CNOT2: variants seen among roughly 807,000 people sequenced by gnomAD.
CNOT2 encodes the protein CC chemokine receptor 4-negative regulator of transcription 2.
In CNOT2, 7 loss-of-function variants were observed where a neutral mutation model predicts 72.1. That is an observed-to-expected ratio of 0.10 (90% CI 0.06 to 0.18). CNOT2 has a LOEUF of 0.18. Among genes scored for constraint, CNOT2 ranks in the 10% least tolerant of loss-of-function variants. CNOT2 has a pLI of 1.00. For synonymous variants in CNOT2, 196 were observed against 225.6 expected (o/e 0.87, Z 1.17); for missense variants, 345 against 660.3 (o/e 0.52, Z 5.23).
intron 6 of CNOT2, chr12:70,330,713 A>G (rs976730434): frequency 3.4e-5 from 13 of 384,532 alleles, no homozygotes; most frequent in African/African-American, 2.3e-4. Context: ...TTGTTCTTGG[A>G]TTCGCCACCA....
chr12:70,309,137 G>C (rs1031644801), intron 2 of CNOT2, among the ~76,000 whole-genome samples: 1 of 152,102 alleles, frequency 6.6e-6, no homozygotes, highest in African/African-American at 2.4e-5. Context: ...TACTTAGGGA[G>C]CTGGTGGATA....
At chr12:70,310,814 T>G in intron 2 of CNOT2, 81 bp from the exon 3 acceptor site, 2 of 1,224,236 alleles carry the variant, frequency 1.6e-6, no homozygotes, top group Non-Finnish European at 1.2e-6. Flanking sequence ...TCCCTTCATG[T>G]TCTGTTTTCC....
chr12:70,301,705 G>C (rs953329594), intron 2 of CNOT2: 1 of 152,178 alleles, frequency 6.6e-6, no homozygotes, highest in Non-Finnish European at 1.5e-5. Flanking sequence ...TCTCTGCCAG[G>C]CTTTGGTATC....
At chr12:70,289,876 A>C (rs1871576618) in intron 2 of CNOT2, among the ~76,000 whole-genome samples, 2 of 151,258 alleles carry the variant, frequency 1.3e-5, no homozygotes, top group South Asian at 4.2e-4. Context: ...GCTTCTTTGC[A>C]TGGCTGGTGA....
rs553539531 is a variant in CNOT2 at position 70,271,320 on chromosome 12, C to G, written c.-95-6812C>G. Among the ~76,000 whole-genome samples the G allele has an allele frequency of 2.7e-5, 4 of 149,236 alleles. No homozygotes were observed. In the East Asian group the frequency reaches 8.0e-4, roughly 30 times the overall value. On this transcript the variant is annotated intron_variant, in intron 1 of 15. Transcript: ENST00000229195. ...TTGGTTTAAATGCCCTTTCATAAAT[C>G]AATTACTGACAAGAGGGATAGGATT...
intron 4 of CNOT2, among the ~76,000 whole-genome samples, chr12:70,327,351 G>A (rs1455503229): frequency 1.3e-5 from 2 of 151,880 alleles, no homozygotes; most frequent in East Asian, 3.9e-4. Flanking sequence ...AAAGAAAGCA[G>A]GGGGAAAATA....
intron 14 of CNOT2, chr12:70,345,521 A>C (rs1271409781): frequency 6.6e-6 from 1 of 152,166 alleles, no homozygotes; most frequent in Non-Finnish European, 1.5e-5. Flanking sequence ...ATTTCTTTAC[A>C]TGGAGGTTTA....
At position 70,286,601 on chromosome 12, in the gene CNOT2, TTGTC is replaced by T. The variant is rs1870939390; in HGVS notation, c.48+8331_48+8334del. On this transcript the variant is annotated intron_variant, in intron 2 of 15. Coordinates refer to ENST00000229195, the MANE Select transcript of CNOT2 (RefSeq NM_014515.7). ...TTATGTCTCTGTTACCTTGATGTGT[TTGTC>T]TGTGCCTATACCAATATCATGTTTT... is the stretch of plus-strand genomic sequence containing the variant. 2.0e-5 allele frequency among the ~76,000 whole-genome samples: 3 copies of T among 150,090 alleles called. No individual in the cohort carries two copies. The South Asian group carries it at 6.5e-4, about 33-fold the overall frequency.
At chr12:70,246,987 G>T (rs1450351144) in intron 1 of CNOT2, among the ~76,000 whole-genome samples, 1 of 152,064 alleles carries the variant, frequency 6.6e-6, no homozygotes, top group Non-Finnish European at 1.5e-5. Flanking sequence ...AAGAGCTTAT[G>T]ACATATAATA....
chr12:70,259,476 A>C (rs1160885618), intron 1 of CNOT2, among the ~76,000 whole-genome samples: 1 of 152,190 alleles, frequency 6.6e-6, no homozygotes, highest in East Asian at 1.9e-4. Flanking sequence ...ATTCAGATAC[A>C]GAATATTCCC....
chr12:70,294,403 T>C (rs998851670), intron 2 of CNOT2: 3 of 565,356 alleles, frequency 5.3e-6, no homozygotes, highest in Non-Finnish European at 8.2e-6. Context: ...TTTAGAAATA[T>C]AATGTTTGTT....
At position 70,300,652 on chromosome 12, in the gene CNOT2, G is replaced by A. The variant is rs559905958; in HGVS notation, c.49-10243G>A. 4.7e-4 allele frequency among the ~76,000 whole-genome samples: 72 copies of A among 152,264 alleles called. No individual in the cohort carries two copies. The East Asian group carries it at 7.9e-3, about 17-fold the overall frequency. ...GTAGTATAGTTTGAAGTCAGGTAGC[G>A]TGATGCCTCCAGCTTTGTTCTTTTG... On this transcript the variant is annotated intron_variant, in intron 2 of 15. Coordinates refer to ENST00000229195, the MANE Select transcript of CNOT2 (RefSeq NM_014515.7).
intron 1 of CNOT2, among the ~76,000 whole-genome samples, chr12:70,246,838 A>G (rs1473516999): frequency 6.6e-6 from 1 of 152,166 alleles, no homozygotes; most frequent in African/African-American, 2.4e-5. Flanking sequence ...AATGTCCTGG[A>G]AATAGAATTT....
At chr12:70,256,583 A>T (rs1004862586) in intron 1 of CNOT2, among the ~76,000 whole-genome samples, 1 of 36,686 alleles carries the variant, frequency 2.7e-5, no homozygotes, top group Non-Finnish European at 5.2e-5. Context: ...ACCTGTGGGT[A>T]AAAAAAAAAA....
intron 2 of CNOT2, among the ~76,000 whole-genome samples, chr12:70,283,374 A>T (rs1428097273): frequency 6.6e-6 from 1 of 152,076 alleles, no homozygotes; most frequent in Admixed American, 6.6e-5. Flanking sequence ...GCGGGAGATT[A>T]GCTTGAGCCC....
intron 1 of CNOT2, among the ~76,000 whole-genome samples, chr12:70,248,833 C>T (rs141278752): frequency 9.5e-4 from 144 of 152,134 alleles, no homozygotes; most frequent in African/African-American, 3.3e-3. Context: ...GTACTCAGGA[C>T]ACCAGTCCTT....
chr12:70,286,539 A>G (rs748276132), intron 2 of CNOT2, among the ~76,000 whole-genome samples: 16 of 150,026 alleles, frequency 1.1e-4, no homozygotes, highest in Middle Eastern at 3.5e-3. Context: ...TGCTAGCTCT[A>G]TTGTAAATCA....
At chr12:70,293,161 C>CT (rs201732291) in intron 2 of CNOT2, among the ~76,000 whole-genome samples, 23,430 of 136,206 alleles carry the variant, frequency 0.17, 2,170 homozygotes, top group Admixed American at 0.25. Context: ...GATTTCATAT[C>CT]TTTTTTTTTT....
intron 8 of CNOT2, chr12:70,336,048 T>G (rs1222984537): frequency 6.5e-6 from 1 of 154,164 alleles, no homozygotes; most frequent in Non-Finnish European, 1.4e-5. Context: ...GGGGGGCTAT[T>G]GTGTTTATAC....
Sources: gnomAD v4.1 joint callset for allele counts (sites outside exome capture counted in the v4.1 genomes callset) on GRCh38, gnomAD v4.1.1 for gene constraint, MANE v1.5 for transcripts, NCBI Gene and HGNC (gene_info 2026-07-23, HGNC 2026-07-21) for gene names.